Variants in TNRC18 observed in about 807,000 individuals in gnomAD.
The protein encoded by TNRC18 is trinucleotide repeat containing 18, also known as trinucleotide repeat-containing gene 18 protein.
A neutral mutation model predicts 226.7 loss-of-function variants in TNRC18; 69 were observed. The observed-to-expected ratio is 0.30, with a 90% CI of 0.25 to 0.37. The LOEUF (loss-of-function observed/expected upper bound fraction) is 0.37, where lower values mean the gene tolerates loss of function less well. TNRC18 is among the 10% of genes least tolerant of loss of function. The pLI is 1.00. For synonymous variants in TNRC18, 2,449 were observed against 1,927.6 expected, an observed-to-expected ratio of 1.27 and a Z score of -7.09; for missense variants, 4,754 against 4,256.6, an observed-to-expected ratio of 1.12 and a Z score of -3.25.
At chr7:5,348,110 C>G (rs145714755) in intron 17 of TNRC18, among the ~76,000 whole-genome samples, 7 of 152,348 alleles carry the variant, frequency 4.6e-5, no homozygotes, top group Admixed American at 1.3e-4. Flanking sequence ...AGGACAAAGG[C>G]AGCTGGCAGA....
chr7:5,381,070 C>A (rs999016010), intron 5 of TNRC18, among the ~76,000 whole-genome samples: 1 of 152,180 alleles, frequency 6.6e-6, no homozygotes, highest in African/African-American at 2.4e-5. Flanking sequence ...CAGGGGCTTC[C>A]CATCCCAAGC....
chr7:5,308,972 G>A (rs780634976), intron 28 of TNRC18, 23 bp from the exon 29 acceptor site: 105 of 1,589,342 alleles, frequency 6.6e-5, no homozygotes, highest in Non-Finnish European at 8.0e-5. Context: ...GAGAGGAGGG[G>A]CTTGGGTGAG....
intron 21 of TNRC18, among the ~76,000 whole-genome samples, chr7:5,322,668 A>T (rs1788498599): frequency 6.6e-6 from 1 of 152,130 alleles, no homozygotes. Context: ...GACGGCGGTC[A>T]CCTCTCATTG....
chr7:5,320,169 T>A (rs1788202595), intron 24 of TNRC18, 149 bp downstream of exon 24: 1 of 641,124 alleles, frequency 1.6e-6, no homozygotes, highest in South Asian at 1.8e-5. Context: ...GGTGCCTGGA[T>A]CCAATCATGC....
chr7:5,316,767 C>T (rs1787893396), intron 24 of TNRC18, among the ~76,000 whole-genome samples: 1 of 152,152 alleles, frequency 6.6e-6, no homozygotes, highest in Non-Finnish European at 1.5e-5. Context: ...GGAGAGATGC[C>T]GGGATGAACG....
intron 18 of TNRC18, among the ~76,000 whole-genome samples, chr7:5,336,000 A>G (rs1045598321): frequency 5.9e-5 from 9 of 152,056 alleles, no homozygotes; most frequent in African/African-American, 2.2e-4. Context: ...TGAGGTGAGG[A>G]GTTTGAGACC....
In TNRC18 at chr7:5,332,857, G is replaced by T; in HGVS notation, c.5912C>A (p.Ala1971Asp). The T allele has an allele frequency of 6.6e-7, 1 of 1,511,176 alleles. No individual in the cohort carries two copies. The highest frequency in any genetic ancestry group is 2.2e-5 in the Admixed American group (1 of 45,556). 93.6% of individuals were successfully genotyped at this position (1,511,176 alleles called of 1,614,324 possible). ...CTCCTTGGGGCCCCGCAGCTTCCGG[G>T]CCTTGCGCCCCTTCTCCACCGCCAG... The part of the protein sequence containing the change: ...AKLAVEKGRK[A>D]RKLRGPKEPG... The change falls in exon 19 of 30, where the codon GCC (alanine) becomes GAC (aspartate). Residue 1971 changes from alanine (A) to aspartate (D), a missense_variant. Ala to Asp is a moderately radical substitution (Grantham distance 126). Transcript: ENST00000430969.
In TNRC18 at chr7:5,398,172, A is replaced by T. The variant is rs562636432; in HGVS notation, c.188-3577T>A. 8.9e-4 allele frequency among the ~76,000 whole-genome samples: 132 copies of T among 148,906 alleles called. 2 individuals carry two copies. Among genetic ancestry groups the T allele is most frequent in the East Asian group, 3.6e-3 (18 of 5,040 alleles). ...CACATCATCAGGCCCAGCAAAAAAA[A>T]ATTTTTTTTTTTTTGAGATGGGAGT... is the stretch of plus-strand genomic sequence containing the variant. On this transcript the variant is annotated intron_variant, in intron 2 of 29. Coordinates refer to ENST00000430969, the MANE Select transcript of TNRC18 (RefSeq NM_001080495.3).
In TNRC18 at chr7:5,308,129, C is replaced by G; in HGVS notation, c.8884G>C (p.Asp2962His). The G allele has an allele frequency of 6.4e-7, 1 of 1,556,802 alleles. No individual in the cohort carries two copies. Among genetic ancestry groups the G allele is most frequent in the Non-Finnish European group, 8.7e-7 (1 of 1,151,234 alleles). Residue 2962 changes from aspartate (D) to histidine (H), a missense_variant, in exon 30 of 30, where the codon GAC (aspartate) becomes CAC (histidine). By Grantham distance (81) the Asp-to-His change is moderately conservative (BLOSUM62 -1). Coordinates refer to ENST00000430969, the MANE Select transcript of TNRC18 (RefSeq NM_001080495.3). ...GCTCAGCAGAGCACGGGCACGCCGT[C>G]CGTGGAGAAGATCATGCCCGTGGTG... ...EPTTGMIFST[D>H]GVPVLC
chr7:5,376,739 C>T, intron 8 of TNRC18, 108 bp downstream of exon 8: 1 of 1,391,928 alleles, frequency 7.2e-7, no homozygotes, highest in South Asian at 1.3e-5. Flanking sequence ...CTCCCCAGCC[C>T]CAGATCTGCC....
chr7:5,402,487 A>G (rs1781174805), intron 2 of TNRC18, among the ~76,000 whole-genome samples: 1 of 152,040 alleles, frequency 6.6e-6, no homozygotes, highest in Non-Finnish European at 1.5e-5. Flanking sequence ...GTGAGCCGAG[A>G]TCGCGCCACC....
chr7:5,377,640 G>A lies in TNRC18; in HGVS notation c.2256-64C>T, dbSNP rs772125983. On this transcript the variant is annotated intron_variant, in intron 6 of 29. Coordinates refer to ENST00000430969, the MANE Select transcript of TNRC18 (RefSeq NM_001080495.3). This position sits in a 1 kb window ranked among gnomAD's most constrained non-coding sequence, Gnocchi z 5.8. ...AGCCCAGGGGACGAGAGGGAGAAGC[G>A]GGGTTGCCCCAAGGAACTGTTTGCC... is the stretch of plus-strand genomic sequence containing the variant. 13 of 1,491,240 alleles carry A rather than the reference G, an allele frequency of 8.7e-6. No homozygotes were observed. The highest frequency in any genetic ancestry group is 5.6e-5 in the African/African-American group (4 of 71,724). The allele number at this position is 1,491,240 out of a possible 1,614,324, so 92.4% of individuals were successfully genotyped here. A position where few individuals can be genotyped will look rare whatever the true frequency, so the allele number is the denominator to read the frequency against.
At chr7:5,378,552 G>A (rs1207323686) in intron 5 of TNRC18, among the ~76,000 whole-genome samples, 1 of 151,690 alleles carries the variant, frequency 6.6e-6, no homozygotes, top group African/African-American at 2.4e-5. Context: ...CCAAGTAGCT[G>A]GGACTACAGG....
intron 18 of TNRC18, 46 bp downstream of exon 18, chr7:5,345,516 C>CGA: frequency 5.6e-6 from 2 of 354,368 alleles, no homozygotes; most frequent in South Asian, 4.9e-5. Context: ...CAATGGCGTC[C>CGA]GCCCCTCCCA....
intron 18 of TNRC18, among the ~76,000 whole-genome samples, chr7:5,333,786 G>A (rs1476668150): frequency 1.3e-5 from 2 of 152,172 alleles, no homozygotes; most frequent in East Asian, 3.8e-4. Context: ...ACGGCGCTAA[G>A]TCCTTCAGAA....
intron 2 of TNRC18, chr7:5,420,734 G>T: frequency 1.7e-6 from 1 of 583,146 alleles, no homozygotes; most frequent in South Asian, 1.5e-5. Context: ...TTCTTTTCTC[G>T]CCCAGATTTT....
At chr7:5,332,523 A>G in intron 19 of TNRC18, 99 bp downstream of exon 19, 1 of 1,342,798 alleles carries the variant, frequency 7.4e-7, no homozygotes. Flanking sequence ...ATGGTTATTA[A>G]CAGTGAAGCC....
Position 5,395,507 on chromosome 7 carries a change from C to T in TNRC18, c.188-912G>A, listed in dbSNP as rs184286770. 3.4e-3 allele frequency among the ~76,000 whole-genome samples: 514 copies of T among 152,354 alleles called. 1 individual carries two copies. Among genetic ancestry groups the T allele is most frequent in the Non-Finnish European group, 5.7e-3 (390 of 68,036 alleles). ...GCTGCCACCCAGGGGCTCTGTCCCA[C>T]GAGCCCCAAACGCCATCCCCTCTAA... On this transcript the variant is annotated intron_variant, in intron 2 of 29. Coordinates refer to ENST00000430969, the MANE Select transcript of TNRC18 (RefSeq NM_001080495.3).
chr7:5,361,495 C>G (rs902324006), intron 14 of TNRC18, 99 bp downstream of exon 14: 210 of 1,358,442 alleles, frequency 1.5e-4, no homozygotes, highest in Non-Finnish European at 1.9e-4. Context: ...CCGAGGGACG[C>G]GAGGTCCCCC....
Sources: gnomAD v4.1 joint callset for allele counts (sites outside exome capture counted in the v4.1 genomes callset) on GRCh38, gnomAD v4.1.1 for gene constraint, Gnocchi (gnomAD v3.1) non-coding constraint, MANE v1.5 for transcripts, NCBI Gene and HGNC (gene_info 2026-07-23, HGNC 2026-07-21) for gene names.